The following MEI1 variants were observed in gnomAD, a reference collection of about 807,000 sequenced individuals.
MEI1 encodes meiotic double-stranded break formation protein 1.
MEI1 carries 103 observed loss-of-function variants against 146.2 expected under a neutral mutation model. The observed-to-expected ratio is 0.70, with a 90% CI of 0.60 to 0.83. The LOEUF is 0.83. Ranked by LOEUF, MEI1 falls within the 40% of genes least tolerant of loss-of-function variation. The probability of loss-of-function intolerance (pLI) is 0.00; values close to 1 mark genes in which losing one functional copy is unlikely to be tolerated. For missense variants in MEI1, 1,529 were observed against 1,533.0 expected, an observed-to-expected ratio of 1.00 and a Z score of 0.04; for synonymous variants, 652 against 628.2, an observed-to-expected ratio of 1.04 and a Z score of -0.57.
chr22:41,777,572 A>T (rs1173409817), intron 21 of MEI1, among the ~76,000 whole-genome samples: 1 of 152,220 alleles, frequency 6.6e-6, no homozygotes, highest in Non-Finnish European at 1.5e-5. Context: ...TTTTCAGGGA[A>T]GGACAAGCCA....
intron 1 of MEI1, among the ~76,000 whole-genome samples, chr22:41,700,271 TG>T (rs903066175): frequency 6.6e-6 from 1 of 152,174 alleles, no homozygotes; most frequent in Non-Finnish European, 1.5e-5. Context: ...GACTGTTCCT[TG>T]GGCAGAGCTG....
At chr22:41,742,489 A>G in intron 11 of MEI1, among the ~76,000 whole-genome samples, 1 of 152,186 alleles carries the variant, frequency 6.6e-6, no homozygotes, top group East Asian at 1.9e-4. Context: ...ATAAGGACTT[A>G]TTACGTATTA....
rs375461932 is a variant in MEI1, at chr22:41,795,867, T to C, written c.3779+20T>C. The C allele has an allele frequency of 2.5e-6, 4 of 1,612,960 alleles. No individual in the cohort carries two copies. In the African/African-American group the frequency reaches 5.3e-5, roughly 22 times the overall value. On this transcript the variant is annotated intron_variant, in intron 30 of 30. Coordinates refer to ENST00000401548, the MANE Select transcript of MEI1 (RefSeq NM_152513.4). The surrounding 1 kb of genome is among the most constrained non-coding windows in gnomAD (Gnocchi z 4.2). Reference sequence around the variant, plus strand: ...CATGCTGTATCCTTTCTTGCATCTATGATGAAGGAGATGCCAAATCACTGG... The same window carrying C: ...CATGCTGTATCCTTTCTTGCATCTACGATGAAGGAGATGCCAAATCACTGG...
At chr22:41,705,146 T>C (rs1208292188) in intron 2 of MEI1, among the ~76,000 whole-genome samples, 1 of 152,176 alleles carries the variant, frequency 6.6e-6, no homozygotes, top group African/African-American at 2.4e-5. Context: ...TGTGGGTCTA[T>C]TTCTCTTTGA....
chr22:41,784,737 C>T lies in MEI1; in HGVS notation c.3299C>T (p.Ser1100Leu), dbSNP rs769324760. Residue 1100 changes from serine to leucine, a missense_variant, in exon 26 of 31, where the codon TCG becomes TTG. By Grantham distance (145) the Ser-to-Leu change is moderately radical (BLOSUM62 -2). Around this residue, in one of 3 missense-constraint regions of MEI1, gnomAD observed 313 missense variants for 337.3 expected, o/e 0.93. Transcript: ENST00000401548. Reference protein sequence around the residue: ...KDTVLAPLRMSQVRSLVIGLQ... With the variant: ...KDTVLAPLRMLQVRSLVIGLQ... ...ACTGTCCTAGCTCCACTGCGAATGT[C>T]GCAAGTCCGGTCCCTGGTCATTGGG... is the stretch of plus-strand genomic sequence containing the variant. 52 of 1,612,688 alleles carry T rather than the reference C, an allele frequency of 3.2e-5. No individual in the cohort carries two copies. The Middle Eastern group carries it at 1.3e-3, about 41-fold the overall frequency.
In MEI1 at chr22:41,744,953, GTC is replaced by G. The variant is rs2073178010; in HGVS notation, c.1447-15_1447-14del. 3.3e-6 allele frequency: 5 copies of G among 1,495,970 alleles called. No individual in the cohort carries two copies. Among genetic ancestry groups the G allele is most frequent in the South Asian group, 1.3e-5 (1 of 77,006 alleles). 92.7% of individuals were successfully genotyped at this position (1,495,970 alleles called of 1,614,324 possible). A position where few individuals can be genotyped will look rare whatever the true frequency, so the allele number is the denominator to read the frequency against. ...GCATATACTTGATCACTAGGTTCCT[GTC>G]TCTCCTTCCCACCTCAGGGCCATGC... On this transcript the variant is annotated intron_variant, in intron 12 of 30. Transcript: ENST00000401548.
At chr22:41,715,597 G>T (rs1024583957) in intron 4 of MEI1, among the ~76,000 whole-genome samples, 15 of 151,950 alleles carry the variant, frequency 9.9e-5, no homozygotes, top group African/African-American at 3.1e-4. Flanking sequence ...GGGTTTCACT[G>T]TGTTAGCCAG....
At chr22:41,727,110 A>G (rs2071424374) in intron 7 of MEI1, among the ~76,000 whole-genome samples, 2 of 151,932 alleles carry the variant, frequency 1.3e-5, no homozygotes, top group African/African-American at 4.8e-5. Context: ...GACAAGTAGG[A>G]AGGCTGTTTA....
intron 12 of MEI1, 56 bp downstream of exon 12, chr22:41,743,250 A>C: frequency 7.8e-7 from 1 of 1,277,996 alleles, no homozygotes; most frequent in Non-Finnish European, 1.1e-6. Context: ...TGTTTTTAGA[A>C]AGATAATTAG....
At chr22:41,758,295 G>T in intron 17 of MEI1, 70 bp from the exon 18 acceptor site, 1 of 1,448,724 alleles carries the variant, frequency 6.9e-7, no homozygotes, top group Non-Finnish European at 9.5e-7. Context: ...CATGTAGTAG[G>T]TACTAATGTG....
intron 12 of MEI1, among the ~76,000 whole-genome samples, chr22:41,743,627 C>G (rs924449281): frequency 2.0e-5 from 3 of 152,162 alleles, no homozygotes; most frequent in Admixed American, 6.5e-5. Context: ...TTTTAATAGC[C>G]TGTAGACTTA....
chr22:41,781,788 C>T lies in MEI1; in HGVS notation c.3030C>T (p.Cys1010=). ...KADSPRTALL[C]SAWLLTASFS... is the part of the protein sequence containing the mutation. ...ATTCTCCCAGGACTGCACTCCTCTGCTCTGCCTGGCTGCTCACTGCCTCCT... is the reference window on the plus strand; with the variant it reads ...ATTCTCCCAGGACTGCACTCCTCTGTTCTGCCTGGCTGCTCACTGCCTCCT... Residue 1010 remains cysteine (C), a synonymous_variant, in exon 24 of 31, where the codon TGC becomes TGT. Transcript: ENST00000401548. The T allele has an allele frequency of 6.2e-7, 1 of 1,614,000 alleles. No homozygotes were observed. The highest frequency in any genetic ancestry group is 8.5e-7 in the Non-Finnish European group (1 of 1,179,908).
chr22:41,781,486 TTG>T, intron 23 of MEI1, 92 bp downstream of exon 23: 1 of 1,220,598 alleles, frequency 8.2e-7, no homozygotes. Context: ...ACAAATAGGG[TTG>T]TGTGTGTGGC....
intron 15 of MEI1, among the ~76,000 whole-genome samples, chr22:41,748,431 C>G (rs533172427): frequency 6.6e-6 from 1 of 152,120 alleles, no homozygotes; most frequent in Admixed American, 6.6e-5. Flanking sequence ...TGCCTGTAAT[C>G]CTAGTGCTTT....
At chr22:41,703,482 A>C in intron 2 of MEI1, 28 bp downstream of exon 2, 1 of 1,536,278 alleles carries the variant, frequency 6.5e-7, no homozygotes, top group South Asian at 1.2e-5. Context: ...ATTTGACATG[A>C]GTTTTGAATG....
At chr22:41,748,075 T>C in intron 14 of MEI1, 32 bp from the exon 15 acceptor site, 7 of 1,484,618 alleles carry the variant, frequency 4.7e-6, no homozygotes, top group Non-Finnish European at 6.6e-6. Context: ...TCAGTCCCCG[T>C]GGGCTGTGTT....
chr22:41,759,660 T>TAAATAAATAAATAAATAAAA (rs767840041), intron 18 of MEI1, among the ~76,000 whole-genome samples: 22 of 96,432 alleles, frequency 2.3e-4, no homozygotes, highest in African/African-American at 7.5e-4. Context: ...AATAAATAAA[T>TAAATAAATAAATAAATAAAA]AAAAATAAAA....
At position 41,725,862 on chromosome 22, in the gene MEI1, C is replaced by T. The variant is rs139960608; in HGVS notation, c.864+1789C>T. 3.5e-4 allele frequency among the ~76,000 whole-genome samples: 53 copies of T among 152,336 alleles called. No homozygotes were observed. In the East Asian group the frequency reaches 8.1e-3, roughly 23 times the overall value. ...TCAGGGCAAAACCTGAGTCTGGCAT[C>T]TTTCCCCAGTGCTCGGCACGGGGGC... On this transcript the variant is annotated intron_variant, in intron 7 of 30. Coordinates refer to ENST00000401548, the MANE Select transcript of MEI1 (RefSeq NM_152513.4).
rs1264471102 is a variant in MEI1, at chr22:41,776,188, A to C, written c.2631A>C (p.Gln877His). ...RTFLRRNEDI[Q>H]VGGLIRGHFL... ...TCCTGAGGAGGAATGAGGATATCCA[A>C]GTGGGCGGTCTTATCCGAGGCCACT... Residue 877 changes from glutamine to histidine, a missense_variant, in exon 21 of 31, where the codon CAA (glutamine) becomes CAC (histidine). This residue lies in a region of MEI1 where 1,212 missense variants were observed against 1,178.9 expected (regional missense o/e 1.03). Coordinates refer to ENST00000401548, the MANE Select transcript of MEI1 (RefSeq NM_152513.4). 2.5e-6 allele frequency: 4 copies of C among 1,613,974 alleles called. No individual in the cohort carries two copies. Among genetic ancestry groups the C allele is most frequent in the Non-Finnish European group, 3.4e-6 (4 of 1,179,876 alleles).
Sources: gnomAD v4.1 joint callset for allele counts (sites outside exome capture counted in the v4.1 genomes callset) on GRCh38, gnomAD v4.1.1 for gene constraint, gnomAD v4.1.1 regional missense constraint, Gnocchi (gnomAD v3.1) non-coding constraint, MANE v1.5 for transcripts, NCBI Gene and HGNC (gene_info 2026-07-23, HGNC 2026-07-21) for gene names.